Variants in SLC39A11 observed in about 807,000 individuals in gnomAD.
SLC39A11 encodes zinc transporter ZIP11.
Under a neutral mutation model 36.1 loss-of-function variants are expected in SLC39A11, and 33 were observed. The observed-to-expected ratio is 0.91, with a 90% CI of 0.69 to 1.22. The LOEUF is 1.22. Among genes scored for constraint, SLC39A11 ranks in the 50% most tolerant of loss-of-function variants. The pLI, the probability that SLC39A11 is intolerant of heterozygous loss-of-function variation, is 0.00. For missense variants in SLC39A11, 432 were observed against 430.3 expected, an observed-to-expected ratio of 1.00 and a Z score of -0.03; for synonymous variants, 166 against 170.3, an observed-to-expected ratio of 0.97 and a Z score of 0.20.
chr17:72,963,169 C>CTT (rs5821936), intron 4 of SLC39A11, among the ~76,000 whole-genome samples: 6,231 of 114,416 alleles, frequency 0.054, 416 homozygotes, highest in Non-Finnish European at 0.062. Context: ...TTTTTCCTTT[C>CTT]TTTTTTTTTT....
In SLC39A11 at chr17:72,900,233, A is replaced by G. The variant is rs1039645397; in HGVS notation, c.430+47519T>C. 4.8e-5 allele frequency among the ~76,000 whole-genome samples: 7 copies of G among 147,352 alleles called. 1 individual carries two copies. Among genetic ancestry groups the G allele is most frequent in the Non-Finnish European group, 9.0e-5 (6 of 66,734 alleles). On this transcript the variant is annotated intron_variant, in intron 5 of 9. Transcript: ENST00000255559. ...AGAAAGAAAGAAAGAAAGAAAGAAA[A>G]AGACAGCAAGGCAAGGAGATGGAAA...
At chr17:72,848,589 T>G (rs1287277241) in intron 6 of SLC39A11, among the ~76,000 whole-genome samples, 1 of 151,792 alleles carries the variant, frequency 6.6e-6, no homozygotes, top group African/African-American at 2.4e-5. Context: ...GGCATGGTGG[T>G]GCACACCTGT....
intron 4 of SLC39A11, among the ~76,000 whole-genome samples, chr17:73,027,768 C>G (rs1411834016): frequency 6.6e-6 from 1 of 152,180 alleles, no homozygotes; most frequent in Non-Finnish European, 1.5e-5. Context: ...GTGGCTCTGA[C>G]GCTCCCAGGC....
intron 6 of SLC39A11, among the ~76,000 whole-genome samples, chr17:72,751,654 T>G (rs2075161278): frequency 6.6e-6 from 1 of 152,126 alleles, no homozygotes. Flanking sequence ...CTCAGCTCAC[T>G]GCAATCTTCG....
At chr17:72,828,408 G>T (rs904383416) in intron 6 of SLC39A11, among the ~76,000 whole-genome samples, 1 of 152,258 alleles carries the variant, frequency 6.6e-6, no homozygotes, top group African/African-American at 2.4e-5. Context: ...GCCATGGGAA[G>T]TCGGAAAAGG....
At chr17:73,066,571 G>A (rs2060002028) in intron 3 of SLC39A11, among the ~76,000 whole-genome samples, 1 of 152,256 alleles carries the variant, frequency 6.6e-6, no homozygotes, top group African/African-American at 2.4e-5. Flanking sequence ...TGGGAGGAGG[G>A]AGAACAGGAC....
At chr17:72,777,869 A>ATATGTATGTATGTATGTATG (rs71154917) in intron 6 of SLC39A11, among the ~76,000 whole-genome samples, 1 of 149,956 alleles carries the variant, frequency 6.7e-6, no homozygotes. Flanking sequence ...ATGTATGTAT[A>ATATGTATGTATGTATGTATG]TATGTATGTA....
intron 3 of SLC39A11, among the ~76,000 whole-genome samples, chr17:73,079,668 A>G (rs1599186028): frequency 6.6e-6 from 1 of 152,206 alleles, no homozygotes; most frequent in Admixed American, 6.5e-5. Context: ...AGAGAAAGAA[A>G]GAAAGGGCAT....
chr17:72,769,614 G>A (rs555661184), intron 6 of SLC39A11, among the ~76,000 whole-genome samples: 5 of 151,404 alleles, frequency 3.3e-5, no homozygotes, highest in African/African-American at 7.3e-5. Context: ...GCCCGATCTC[G>A]GCTCACTGCA....
chr17:73,015,024 T>G (rs2090732692), intron 4 of SLC39A11, among the ~76,000 whole-genome samples: 1 of 152,232 alleles, frequency 6.6e-6, no homozygotes, highest in Non-Finnish European at 1.5e-5. Flanking sequence ...TATCAGTCAG[T>G]GCTTGTTGAA....
intron 5 of SLC39A11, among the ~76,000 whole-genome samples, chr17:72,899,999 AGAGAAAGAGAGAGAG>A (rs1567910724): frequency 0.063 from 1,881 of 29,646 alleles, 76 homozygotes; most frequent in African/African-American, 0.41. Flanking sequence ...AGAGAGAGAG[AGAGAAAGAGAGAGAG>A]AGAGAAAGAG....
intron 6 of SLC39A11, among the ~76,000 whole-genome samples, chr17:72,844,202 C>T (rs971197536): frequency 2.6e-5 from 4 of 152,246 alleles, no homozygotes; most frequent in African/African-American, 9.6e-5. Flanking sequence ...TAAAATGGTC[C>T]TCATCAAAGA....
At chr17:72,696,368 A>T (rs2072303059) in intron 7 of SLC39A11, among the ~76,000 whole-genome samples, 1 of 152,134 alleles carries the variant, frequency 6.6e-6, no homozygotes, top group African/African-American at 2.4e-5. Context: ...CGCCATTTAC[A>T]AGGTACCTAC....
intron 4 of SLC39A11, among the ~76,000 whole-genome samples, chr17:73,028,825 A>C (rs1231013448): frequency 6.7e-6 from 1 of 148,216 alleles, no homozygotes; most frequent in African/African-American, 2.5e-5. Context: ...AAAAAAAAAA[A>C]ACACTGCTGC....
intron 6 of SLC39A11, among the ~76,000 whole-genome samples, chr17:72,740,150 C>A (rs2074621755): frequency 1.4e-5 from 2 of 145,192 alleles, no homozygotes; most frequent in South Asian, 4.4e-4. Flanking sequence ...GCAAGCTCCA[C>A]CTCCTGGGTT....
At chr17:72,733,850 T>TA (rs1454799746) in intron 7 of SLC39A11, among the ~76,000 whole-genome samples, 3 of 152,128 alleles carry the variant, frequency 2.0e-5, no homozygotes, top group Admixed American at 2.0e-4. Context: ...ATGAACCCCA[T>TA]AGCAGGCTGT....
intron 6 of SLC39A11, among the ~76,000 whole-genome samples, chr17:72,762,441 A>G (rs1205895710): frequency 6.6e-6 from 1 of 152,222 alleles, no homozygotes; most frequent in Non-Finnish European, 1.5e-5. Context: ...TCTAAAAAGC[A>G]GAGGAACCCT....
Position 72,943,277 on chromosome 17 carries a change from G to A in SLC39A11, c.430+4475C>T, listed in dbSNP as rs573127273. 2.6e-5 allele frequency among the ~76,000 whole-genome samples: 4 copies of A among 152,312 alleles called. No homozygotes were observed. The South Asian group carries it at 6.2e-4, about 24-fold the overall frequency. ...ACCATTTCCACAGGAAGAGTGCCACGCAGCACATCAGAAGCAGAACCAATA... is the reference window on the plus strand; with the variant it reads ...ACCATTTCCACAGGAAGAGTGCCACACAGCACATCAGAAGCAGAACCAATA... On this transcript the variant is annotated intron_variant, in intron 5 of 9. Coordinates refer to ENST00000255559, the MANE Select transcript of SLC39A11 (RefSeq NM_139177.4).
chr17:72,727,507 C>T (rs2073974947), intron 7 of SLC39A11, among the ~76,000 whole-genome samples: 1 of 151,996 alleles, frequency 6.6e-6, no homozygotes, highest in African/African-American at 2.4e-5. Flanking sequence ...AAAAAATCAG[C>T]CAGGCGTGGT....
Sources: gnomAD v4.1 joint callset for allele counts (sites outside exome capture counted in the v4.1 genomes callset) on GRCh38, gnomAD v4.1.1 for gene constraint, MANE v1.5 for transcripts, NCBI Gene and HGNC (gene_info 2026-07-23, HGNC 2026-07-21) for gene names.